Variants in DIP2C observed in about 807,000 individuals in gnomAD.
DIP2C encodes disco-interacting protein 2 homolog C.
A neutral mutation model predicts 192.4 loss-of-function variants in DIP2C; 33 were observed. That is an observed-to-expected ratio of 0.17 (90% CI 0.13 to 0.23). DIP2C has a LOEUF of 0.23. Among genes scored for constraint, DIP2C ranks in the 10% least tolerant of loss-of-function variants. The pLI is 1.00. For missense variants in DIP2C, 1,537 were observed against 2,110.1 expected (o/e 0.73, Z 5.32); for synonymous variants, 979 against 864.1 (o/e 1.13, Z -2.33).
Position 284,384 on chromosome 10 carries a change from A to AT in DIP2C, c.4120-939_4120-938insA, listed in dbSNP as rs1261281895. Among the ~76,000 whole-genome samples, 8 of 152,190 alleles carry AT rather than the reference A, an allele frequency of 5.3e-5. 1 individual carries two copies. Among genetic ancestry groups the AT allele is most frequent in the Admixed American group, 5.2e-4 (8 of 15,280 alleles). ...GTCCTCTGTTCCCTAACACAAAGAA[A>AT]ATTCTCATTAAGGCAACTGAATATT... On this transcript the variant is annotated intron_variant, in intron 34 of 36. Transcript: ENST00000280886.
chr10:405,911 G>C (rs893140303), intron 9 of DIP2C, among the ~76,000 whole-genome samples: 17 of 152,116 alleles, frequency 1.1e-4, no homozygotes, highest in African/African-American at 4.1e-4. Context: ...AGAGCTACCG[G>C]CTCATCTTTT....
At chr10:661,644 G>A (rs1338401012) in intron 1 of DIP2C, among the ~76,000 whole-genome samples, 2 of 152,136 alleles carry the variant, frequency 1.3e-5, no homozygotes, top group African/African-American at 4.8e-5. Context: ...CCTTTTCTGG[G>A]TCTTCCGACC....
chr10:335,957 G>A (rs1244721519), intron 29 of DIP2C, among the ~76,000 whole-genome samples: 2 of 152,126 alleles, frequency 1.3e-5, no homozygotes, highest in Non-Finnish European at 2.9e-5. Flanking sequence ...TGAGTGCAGT[G>A]GCGTGATCTC....
chr10:373,122 A>G (rs1442488639), intron 17 of DIP2C, among the ~76,000 whole-genome samples: 1 of 152,214 alleles, frequency 6.6e-6, no homozygotes, highest in Non-Finnish European at 1.5e-5. Flanking sequence ...TCAGACCCAG[A>G]GCATAGCCCC....
chr10:425,840 A>G (rs965729338), intron 4 of DIP2C, among the ~76,000 whole-genome samples: 1 of 152,232 alleles, frequency 6.6e-6, no homozygotes, highest in African/African-American at 2.4e-5. Flanking sequence ...AAACTCAACA[A>G]AATCAGGAAT....
At chr10:578,263 G>A (rs1030447931) in intron 1 of DIP2C, among the ~76,000 whole-genome samples, 1 of 152,150 alleles carries the variant, frequency 6.6e-6, no homozygotes, top group Non-Finnish European at 1.5e-5. Flanking sequence ...CACAACACTA[G>A]GAGGGATTTT....
intron 17 of DIP2C, among the ~76,000 whole-genome samples, chr10:380,716 GCATT>G (rs1196434465): frequency 3.3e-5 from 5 of 152,184 alleles, no homozygotes; most frequent in Non-Finnish European, 5.9e-5. Context: ...CTTTAAGAAG[GCATT>G]CATTTTGTTC....
intron 9 of DIP2C, among the ~76,000 whole-genome samples, chr10:405,669 A>G (rs922244747): frequency 6.6e-6 from 1 of 152,212 alleles, no homozygotes; most frequent in African/African-American, 2.4e-5. Context: ...GTAAACCCAC[A>G]TGGCTTCCCT....
intron 1 of DIP2C, among the ~76,000 whole-genome samples, chr10:508,894 G>GA (rs1845817690): frequency 6.6e-6 from 1 of 152,128 alleles, no homozygotes; most frequent in South Asian, 2.1e-4. Flanking sequence ...AGCAGTGCTG[G>GA]AAGGCGGCCA....
chr10:550,662 G>A (rs565881835), intron 1 of DIP2C, among the ~76,000 whole-genome samples: 7 of 152,268 alleles, frequency 4.6e-5, no homozygotes, highest in Admixed American at 6.5e-5. Context: ...ACTAAGGGAT[G>A]GCAGAAGCCT....
At chr10:553,397 C>T (rs1588448070) in intron 1 of DIP2C, among the ~76,000 whole-genome samples, 1 of 152,360 alleles carries the variant, frequency 6.6e-6, no homozygotes, top group East Asian at 1.9e-4. Flanking sequence ...GTCCCTCAAG[C>T]CCTTCGTGAG....
chr10:482,242 G>A (rs1162121142), intron 2 of DIP2C, among the ~76,000 whole-genome samples: 1 of 152,200 alleles, frequency 6.6e-6, no homozygotes, highest in East Asian at 1.9e-4. Flanking sequence ...GAGGAACTGA[G>A]ACAAGTCCGT....
At chr10:336,653 G>A (rs1219581539) in intron 29 of DIP2C, among the ~76,000 whole-genome samples, 1 of 151,988 alleles carries the variant, frequency 6.6e-6, no homozygotes, top group Admixed American at 6.5e-5. Context: ...AAAAAAGAAA[G>A]TAAATTGTAA....
intron 1 of DIP2C, among the ~76,000 whole-genome samples, chr10:541,249 G>A (rs1847968561): frequency 6.6e-6 from 1 of 152,150 alleles, no homozygotes; most frequent in East Asian, 1.9e-4. Context: ...TCTGGCTGAG[G>A]TGTCCTCTGT....
chr10:370,514 CTCCTCCCT>C (rs1401873508), intron 17 of DIP2C, among the ~76,000 whole-genome samples: 1 of 152,236 alleles, frequency 6.6e-6, no homozygotes, highest in African/African-American at 2.4e-5. Flanking sequence ...CCTGTGCGAC[CTCCTCCCT>C]CAGACCCAAC....
In DIP2C at chr10:646,459, C is replaced by T. The variant is rs1025875317; in HGVS notation, c.85+43035G>A. Among the ~76,000 whole-genome samples, 5 of 152,200 alleles carry T rather than the reference C, an allele frequency of 3.3e-5. No homozygotes were observed. In the South Asian group the frequency reaches 6.2e-4, roughly 19 times the overall value. ...AAAGCTGCCTGGCAGCAAGAGGGGA[C>T]GGGTGGCGACCGCACCAGCCAGGTA... On this transcript the variant is annotated intron_variant, in intron 1 of 36. Transcript: ENST00000280886.
chr10:387,787 C>T lies in DIP2C; in HGVS notation c.1620G>A (p.Leu540=). Residue 540 remains leucine (L), a synonymous_variant, in exon 14 of 37, where the codon CTG becomes CTA. Transcript: ENST00000280886. ...YTEAETIVNV[L]DFKKDVGLWH... Reference sequence around the variant, plus strand: ...AGAGCCCGACGTCCTTCTTGAAATCCAGCACATTCACAATGGTTTCAGCTG... The same window carrying T: ...AGAGCCCGACGTCCTTCTTGAAATCTAGCACATTCACAATGGTTTCAGCTG... 2 of 1,614,256 alleles carry T rather than the reference C, an allele frequency of 1.2e-6. No individual in the cohort carries two copies. Among genetic ancestry groups the T allele is most frequent in the Non-Finnish European group, 1.7e-6 (2 of 1,180,048 alleles).
chr10:397,455 G>A (rs1449739882), intron 10 of DIP2C, among the ~76,000 whole-genome samples: 2 of 152,014 alleles, frequency 1.3e-5, no homozygotes, highest in East Asian at 1.9e-4. Flanking sequence ...GCTTGAACCC[G>A]AGGGGCAGAG....
intron 1 of DIP2C, among the ~76,000 whole-genome samples, chr10:515,362 C>T (rs930266034): frequency 6.6e-6 from 1 of 152,194 alleles, no homozygotes; most frequent in Admixed American, 6.5e-5. Context: ...TCCCTCTCCT[C>T]CTAGGCTCTT....
Sources: allele counts gnomAD v4.1 joint callset (sites outside exome capture counted in the v4.1 genomes callset), GRCh38; gene constraint gnomAD v4.1.1; transcripts MANE v1.5; gene names NCBI Gene and HGNC (gene_info 2026-07-23, HGNC 2026-07-21).